Variants in SLC7A1 observed in about 807,000 individuals in gnomAD.
SLC7A1 encodes the protein solute carrier family 7 member 1.
In SLC7A1, 10 loss-of-function variants were observed where a neutral mutation model predicts 53.9. That is an observed-to-expected ratio of 0.19 (90% CI 0.11 to 0.31). SLC7A1 has a LOEUF of 0.31. Among genes scored for constraint, SLC7A1 ranks in the 10% least tolerant of loss-of-function variants. The pLI is 1.00. For synonymous variants in SLC7A1, 342 were observed against 338.7 expected (o/e 1.01, Z -0.11); for missense variants, 525 against 827.2 (o/e 0.63, Z 4.48).
At chr13:29,555,413 A>G (rs1180899583) in intron 1 of SLC7A1, among the ~76,000 whole-genome samples, 2 of 149,762 alleles carry the variant, frequency 1.3e-5, no homozygotes, top group Non-Finnish European at 3.0e-5. Context: ...CTGTAATGCC[A>G]TGATCACACC....
chr13:29,524,630 G>T (rs1304331502), intron 5 of SLC7A1, among the ~76,000 whole-genome samples: 1 of 152,126 alleles, frequency 6.6e-6, no homozygotes, highest in South Asian at 2.1e-4. Context: ...ATGCAGAGCC[G>T]CCAGCCAGTC....
chr13:29,547,374 G>C (rs1403347432), intron 2 of SLC7A1, among the ~76,000 whole-genome samples: 1 of 152,156 alleles, frequency 6.6e-6, no homozygotes, highest in Non-Finnish European at 1.5e-5. Flanking sequence ...GGACCCAACC[G>C]GGGCTTCGGC....
chr13:29,593,744 T>G (rs1202351660), intron 1 of SLC7A1, among the ~76,000 whole-genome samples: 1 of 152,008 alleles, frequency 6.6e-6, no homozygotes, highest in Non-Finnish European at 1.5e-5. Flanking sequence ...AAGTCAACAG[T>G]CTTGTCTTTC....
chr13:29,521,361 T>C (rs1320006883), intron 8 of SLC7A1, among the ~76,000 whole-genome samples: 3 of 152,250 alleles, frequency 2.0e-5, no homozygotes, highest in Admixed American at 2.0e-4. Context: ...TGTTAGAAAC[T>C]GTGACTGATC....
At chr13:29,530,840 T>C in intron 4 of SLC7A1, 128 bp from the exon 5 acceptor site, 1 of 676,010 alleles carries the variant, frequency 1.5e-6, no homozygotes, top group East Asian at 2.7e-5. Flanking sequence ...CAGACCTCTG[T>C]GAGCCTCTGG....
chr13:29,543,911 C>T (rs544347089), intron 2 of SLC7A1, among the ~76,000 whole-genome samples: 1 of 152,206 alleles, frequency 6.6e-6, no homozygotes, highest in Admixed American at 6.5e-5. Flanking sequence ...ATTCCTTGGG[C>T]TGAGCAGCCA....
chr13:29,542,479 T>A (rs1177206820), intron 2 of SLC7A1, among the ~76,000 whole-genome samples: 1 of 151,758 alleles, frequency 6.6e-6, no homozygotes, highest in East Asian at 1.9e-4. Context: ...CGTGGGCTCA[T>A]TCGAAACCAG....
At chr13:29,527,152 G>A (rs908013389) in intron 5 of SLC7A1, among the ~76,000 whole-genome samples, 9 of 151,840 alleles carry the variant, frequency 5.9e-5, no homozygotes, top group Non-Finnish European at 1.2e-4. Flanking sequence ...GGAGTGCCGC[G>A]TTTTGTGTAA....
chr13:29,592,055 T>C (rs1382559908), intron 1 of SLC7A1, among the ~76,000 whole-genome samples: 1 of 152,184 alleles, frequency 6.6e-6, no homozygotes, highest in African/African-American at 2.4e-5. Flanking sequence ...CTAAATTACT[T>C]CAGAGAGAAG....
rs1313396429 is a variant in SLC7A1, at chr13:29,509,861, C to T, written c.*4619G>A. The T allele has an allele frequency of 6.6e-6, 1 of 152,580 alleles. No individual in the cohort carries two copies. The highest frequency in any genetic ancestry group is 2.4e-5 in the African/African-American group (1 of 41,418). The allele number at this position is 152,580 out of a possible 1,614,324, so 9.5% of individuals were successfully genotyped here. On this transcript the variant is annotated 3_prime_UTR_variant, in exon 13 of 13. Coordinates refer to ENST00000380752, the MANE Select transcript of SLC7A1 (RefSeq NM_003045.5). ...ATAATAAACCAACCCTCATTGGTATCATTACCCTTAGTGCTCCTTAAACTC... is the reference window on the plus strand; with the variant it reads ...ATAATAAACCAACCCTCATTGGTATTATTACCCTTAGTGCTCCTTAAACTC...
chr13:29,593,855 A>T (rs1566281296), intron 1 of SLC7A1, among the ~76,000 whole-genome samples: 1 of 152,106 alleles, frequency 6.6e-6, no homozygotes. Flanking sequence ...TTTCTGATCT[A>T]CTTACTAAGC....
intron 2 of SLC7A1, among the ~76,000 whole-genome samples, chr13:29,539,051 A>G (rs1869548429): frequency 1.3e-5 from 2 of 152,218 alleles, no homozygotes; most frequent in African/African-American, 4.8e-5. Context: ...AGACAAAGCT[A>G]CTCAATAGCA....
Position 29,595,518 on chromosome 13 carries a change from G to GGCGGT in SLC7A1, c.-218_-217insACCGC. 6.6e-6 allele frequency: 1 copy of GGCGGT among 151,044 alleles called. No individual in the cohort carries two copies. The highest frequency in any genetic ancestry group is 1.9e-4 in the South Asian group (1 of 5,194). The allele number at this position is 151,044 out of a possible 1,614,324, so 9.4% of individuals were successfully genotyped here. On this transcript the variant is annotated 5_prime_UTR_variant, in exon 1 of 13. The change creates a premature stop within an existing upstream ORF in the 5' untranslated region. Coordinates refer to ENST00000380752, the MANE Select transcript of SLC7A1 (RefSeq NM_003045.5). ...CGGCCGGCGAGACCGGGCGGGGCGG[G>GGCGGT]GCGGGGCGGGGGCGCGGCGCGCGGG...
At chr13:29,585,551 C>T (rs1273724632) in intron 1 of SLC7A1, among the ~76,000 whole-genome samples, 1 of 152,050 alleles carries the variant, frequency 6.6e-6, no homozygotes, top group Non-Finnish European at 1.5e-5. Flanking sequence ...TTGTAGACTG[C>T]GGTCAAAGAA....
At chr13:29,526,968 C>T (rs1011929002) in intron 5 of SLC7A1, among the ~76,000 whole-genome samples, 9 of 152,092 alleles carry the variant, frequency 5.9e-5, no homozygotes, top group East Asian at 1.9e-4. Flanking sequence ...ACCTGCTCCT[C>T]GTACTGCGCC....
chr13:29,517,177 C>T lies in SLC7A1; in HGVS notation c.1644G>A (p.Arg548=), dbSNP rs1480577308. The T allele has an allele frequency of 1.9e-6, 3 of 1,612,122 alleles. No individual in the cohort carries two copies. The highest frequency in any genetic ancestry group is 1.7e-5 in the Admixed American group (1 of 59,700). The part of the protein sequence containing the change: ...LCAVVTGVIW[R]QPESKTKLSF... ...AGAGCTTGGTCTTGCTCTCGGGCTG[C>T]CTCCAGATGACGCCCGTGACCACGG... The change falls in exon 11 of 13, where the codon AGG becomes AGA. Residue 548 remains arginine, a synonymous_variant. Coordinates refer to ENST00000380752, the MANE Select transcript of SLC7A1 (RefSeq NM_003045.5).
chr13:29,549,268 C>T (rs374727712), intron 2 of SLC7A1, among the ~76,000 whole-genome samples: 16 of 152,294 alleles, frequency 1.1e-4, no homozygotes, highest in Non-Finnish European at 1.9e-4. Context: ...AGGAGAAAAC[C>T]GTACCCGTGG....
chr13:29,534,215 C>G (rs1052890361), intron 3 of SLC7A1, among the ~76,000 whole-genome samples: 30 of 152,204 alleles, frequency 2.0e-4, no homozygotes, highest in African/African-American at 5.8e-4. Flanking sequence ...GCTGGAAAAA[C>G]TGCCCTTCCC....
chr13:29,593,273 A>C (rs193126258), intron 1 of SLC7A1, among the ~76,000 whole-genome samples: 2 of 152,312 alleles, frequency 1.3e-5, no homozygotes, highest in African/African-American at 4.8e-5. Flanking sequence ...TCCTTCCATG[A>C]ATCCACCGGC....
Sources: gnomAD v4.1 joint callset for allele counts (sites outside exome capture counted in the v4.1 genomes callset) on GRCh38, gnomAD v4.1.1 for gene constraint, MANE v1.5 for transcripts, NCBI Gene and HGNC (gene_info 2026-07-23, HGNC 2026-07-21) for gene names.